Variants in NALF1 observed in about 807,000 individuals in gnomAD.
NALF1 encodes NALCN channel auxiliary factor 1.
NALF1 carries 3 observed loss-of-function variants against 48.4 expected under a neutral mutation model. The ratio of observed to expected loss-of-function variants is 0.06; its 90% CI spans 0.03 to 0.16. The LOEUF (loss-of-function observed/expected upper bound fraction) is 0.16, where lower values mean the gene tolerates loss of function less well. Ranked by LOEUF, NALF1 falls within the 10% of genes least tolerant of loss-of-function variation. NALF1 has a pLI of 1.00. For synonymous variants in NALF1, 262 were observed against 245.7 expected (o/e 1.07, Z -0.62); for missense variants, 526 against 571.5 (o/e 0.92, Z 0.81).
intron 1 of NALF1, among the ~76,000 whole-genome samples, chr13:107,467,667 T>C (rs1885026588): frequency 6.6e-6 from 1 of 152,174 alleles, no homozygotes; most frequent in African/African-American, 2.4e-5. Flanking sequence ...GAAATAGCCA[T>C]ATGAGAGGCA....
At chr13:107,430,569 G>A (rs185348334) in intron 1 of NALF1, among the ~76,000 whole-genome samples, 21 of 152,138 alleles carry the variant, frequency 1.4e-4, no homozygotes, top group African/African-American at 2.2e-4. Flanking sequence ...TTGTCCTTGC[G>A]ATAGTTTGCT....
At chr13:107,537,229 T>A (rs1874413224) in intron 1 of NALF1, among the ~76,000 whole-genome samples, 1 of 151,920 alleles carries the variant, frequency 6.6e-6, no homozygotes, top group Admixed American at 6.6e-5. Flanking sequence ...TAAAGTATAA[T>A]TTTTAAAAAG....
chr13:107,613,397 G>T (rs1438512183), intron 1 of NALF1, among the ~76,000 whole-genome samples: 1 of 152,188 alleles, frequency 6.6e-6, no homozygotes, highest in Non-Finnish European at 1.5e-5. Context: ...GCCAACTGGG[G>T]AATGCCTTTC....
intron 1 of NALF1, among the ~76,000 whole-genome samples, chr13:107,588,586 TG>T (rs1190166650): frequency 6.6e-6 from 1 of 152,156 alleles, no homozygotes; most frequent in Non-Finnish European, 1.5e-5. Flanking sequence ...GTTTGGTGCC[TG>T]TAAATCTGCT....
chr13:107,539,902 C>T (rs1164440559), intron 1 of NALF1, among the ~76,000 whole-genome samples: 8 of 151,986 alleles, frequency 5.3e-5, no homozygotes, highest in South Asian at 2.1e-4. Flanking sequence ...ATTACTGAGA[C>T]GTATAAACTT....
rs77769732 is a variant in NALF1, at chr13:107,732,971, G to A, written c.915+132711C>T. Among the ~76,000 whole-genome samples the A allele has an allele frequency of 0.026, 4,024 of 152,156 alleles. 300 individuals carry two copies. In the East Asian group the frequency reaches 0.3, roughly 11 times the overall value. On this transcript the variant is annotated intron_variant, in intron 1 of 2. Coordinates refer to ENST00000375915, the MANE Select transcript of NALF1 (RefSeq NM_001080396.3). ...AGTTCAGAAAAAGGTAAGAGGTTTGGGGTGACGGCACCATTGTGGGTAAAC... is the reference window on the plus strand; with the variant it reads ...AGTTCAGAAAAAGGTAAGAGGTTTGAGGTGACGGCACCATTGTGGGTAAAC...
chr13:107,572,808 T>C (rs749306992), intron 1 of NALF1, among the ~76,000 whole-genome samples: 12 of 152,200 alleles, frequency 7.9e-5, no homozygotes, highest in Non-Finnish European at 1.3e-4. Flanking sequence ...TTATGTTAAT[T>C]TATCTCTTTT....
chr13:107,305,382 G>T (rs1256514655), intron 1 of NALF1, among the ~76,000 whole-genome samples: 1 of 152,116 alleles, frequency 6.6e-6, no homozygotes, highest in East Asian at 1.9e-4. Flanking sequence ...GATTGCTTAC[G>T]CAATAATGGG....
intron 1 of NALF1, among the ~76,000 whole-genome samples, chr13:107,640,395 G>A (rs1200578164): frequency 3.3e-5 from 5 of 152,060 alleles, no homozygotes; most frequent in Middle Eastern, 3.2e-3. Context: ...AAAATAAAAC[G>A]TTCCTAAATT....
intron 1 of NALF1, among the ~76,000 whole-genome samples, chr13:107,272,960 G>T (rs1160545727): frequency 6.6e-6 from 1 of 152,220 alleles, no homozygotes. Flanking sequence ...CATGGCATTA[G>T]CATGCCTTTG....
intron 1 of NALF1, among the ~76,000 whole-genome samples, chr13:107,327,202 C>T (rs1882381313): frequency 6.6e-6 from 1 of 152,060 alleles, no homozygotes; most frequent in Non-Finnish European, 1.5e-5. Flanking sequence ...TTTTACCTGC[C>T]TCTAAATACC....
At chr13:107,174,216 A>C (rs1160371739) in intron 2 of NALF1, among the ~76,000 whole-genome samples, 1 of 152,134 alleles carries the variant, frequency 6.6e-6, no homozygotes, top group African/African-American at 2.4e-5. Flanking sequence ...TCATGGAAAC[A>C]CCATGCATTC....
At chr13:107,525,522 G>C (rs1261673281) in intron 1 of NALF1, among the ~76,000 whole-genome samples, 2 of 152,038 alleles carry the variant, frequency 1.3e-5, no homozygotes, top group African/African-American at 4.8e-5. Context: ...TTCACCCCGT[G>C]GAAGATGCTT....
intron 1 of NALF1, among the ~76,000 whole-genome samples, chr13:107,817,328 T>C (rs935010098): frequency 6.6e-6 from 1 of 152,208 alleles, no homozygotes; most frequent in African/African-American, 2.4e-5. Flanking sequence ...TGCATATAGG[T>C]GTGGTGTCCT....
intron 1 of NALF1, among the ~76,000 whole-genome samples, chr13:107,615,178 G>A (rs1012946299): frequency 6.6e-6 from 1 of 152,150 alleles, no homozygotes; most frequent in Non-Finnish European, 1.5e-5. Flanking sequence ...TCCTCTTTCA[G>A]TTCAACTAAC....
chr13:107,457,901 T>C (rs932862444), intron 1 of NALF1, among the ~76,000 whole-genome samples: 1 of 152,226 alleles, frequency 6.6e-6, no homozygotes, highest in Non-Finnish European at 1.5e-5. Flanking sequence ...AACAGAGCTG[T>C]TGCTTCCACC....
intron 1 of NALF1, among the ~76,000 whole-genome samples, chr13:107,497,036 T>C (rs141035529): frequency 8.5e-4 from 129 of 152,216 alleles, no homozygotes; most frequent in African/African-American, 2.5e-3. Context: ...CAGAATGCAA[T>C]ACATAATTTT....
At chr13:107,331,685 A>G (rs554449915) in intron 1 of NALF1, among the ~76,000 whole-genome samples, 1 of 152,182 alleles carries the variant, frequency 6.6e-6, no homozygotes, top group Non-Finnish European at 1.5e-5. Flanking sequence ...CGAAATAACA[A>G]TAGGATTTAG....
At chr13:107,847,428 C>T (rs1880201791) in intron 1 of NALF1, among the ~76,000 whole-genome samples, 1 of 152,176 alleles carries the variant, frequency 6.6e-6, no homozygotes, top group South Asian at 2.1e-4. Flanking sequence ...CATCACCTCT[C>T]CTTGAATGTG....
Sources: allele counts gnomAD v4.1 joint callset (sites outside exome capture counted in the v4.1 genomes callset), GRCh38; gene constraint gnomAD v4.1.1; transcripts MANE v1.5; gene names NCBI Gene and HGNC (gene_info 2026-07-23, HGNC 2026-07-21).